IMMP2L: variants seen among roughly 807,000 people sequenced by gnomAD.
The protein encoded by IMMP2L is inner mitochondrial membrane peptidase subunit 2.
In IMMP2L, 18 loss-of-function variants were observed where a neutral mutation model predicts 19.3. The observed-to-expected ratio is 0.93, with a 90% CI of 0.64 to 1.38. The LOEUF is 1.38. IMMP2L is among the 40% of genes most tolerant of loss of function. The pLI is 0.00. For synonymous variants in IMMP2L, 76 were observed against 73.0 expected (o/e 1.04, Z -0.21); for missense variants, 233 against 218.2 (o/e 1.07, Z -0.43).
intron 3 of IMMP2L, among the ~76,000 whole-genome samples, chr7:111,000,456 G>A (rs894059795): frequency 6.6e-6 from 1 of 152,140 alleles, no homozygotes; most frequent in African/African-American, 2.4e-5. Flanking sequence ...ACAATAAGGT[G>A]ATAATATATT....
chr7:111,036,908 A>G (rs1563182039), intron 3 of IMMP2L, among the ~76,000 whole-genome samples: 1 of 152,196 alleles, frequency 6.6e-6, no homozygotes, highest in African/African-American at 2.4e-5. Flanking sequence ...GGGTTTTGCA[A>G]TTAAAAAGAA....
chr7:111,461,156 A>G (rs1840101609), intron 3 of IMMP2L, among the ~76,000 whole-genome samples: 1 of 152,090 alleles, frequency 6.6e-6, no homozygotes, highest in Admixed American at 6.6e-5. Context: ...TTAGGAACTT[A>G]TTAAACATAA....
chr7:111,130,179 A>C (rs567521689), intron 3 of IMMP2L, among the ~76,000 whole-genome samples: 93 of 152,160 alleles, frequency 6.1e-4, no homozygotes, highest in Non-Finnish European at 1.1e-3. Flanking sequence ...AGCATATACC[A>C]ACGAAGGGTG....
At chr7:111,017,182 C>T (rs1156963680) in intron 3 of IMMP2L, among the ~76,000 whole-genome samples, 2 of 150,618 alleles carry the variant, frequency 1.3e-5, no homozygotes, top group Non-Finnish European at 2.9e-5. Flanking sequence ...ATCCTCCTGC[C>T]TCAGCTGCCT....
chr7:111,427,958 T>C (rs1216997355), intron 3 of IMMP2L, among the ~76,000 whole-genome samples: 1 of 151,822 alleles, frequency 6.6e-6, no homozygotes, highest in African/African-American at 2.4e-5. Context: ...ATACTAATGA[T>C]ATTCATTTTA....
At chr7:111,194,439 C>T (rs910366076) in intron 3 of IMMP2L, among the ~76,000 whole-genome samples, 1 of 152,118 alleles carries the variant, frequency 6.6e-6, no homozygotes, top group Non-Finnish European at 1.5e-5. Flanking sequence ...ATCCACCCCT[C>T]CTTTGTACCA....
intron 3 of IMMP2L, chr7:111,124,932 C>CAAAAA: frequency 2.3e-6 from 2 of 888,498 alleles, no homozygotes; most frequent in Non-Finnish European, 3.1e-6. Flanking sequence ...CAAAAATGAA[C>CAAAAA]AAAAAAAAAA....
intron 3 of IMMP2L, among the ~76,000 whole-genome samples, chr7:111,017,597 T>C (rs1055065916): frequency 2.6e-5 from 4 of 152,208 alleles, no homozygotes; most frequent in Admixed American, 2.0e-4. Context: ...CCTTTCTTTT[T>C]ACTCCCCTTC....
intron 5 of IMMP2L, among the ~76,000 whole-genome samples, chr7:110,807,314 A>C (rs949061661): frequency 2.0e-5 from 3 of 152,150 alleles, no homozygotes; most frequent in African/African-American, 7.2e-5. Context: ...TTCTCAACCC[A>C]GGAGGACATT....
chr7:111,524,175 G>A (rs1005421946), intron 1 of IMMP2L, among the ~76,000 whole-genome samples: 2 of 151,912 alleles, frequency 1.3e-5, no homozygotes, highest in Non-Finnish European at 2.9e-5. Context: ...CACAGGTTTA[G>A]CAACACAAAC....
chr7:111,124,403 G>A, intron 3 of IMMP2L: 1 of 1,613,776 alleles, frequency 6.2e-7, no homozygotes, highest in Non-Finnish European at 8.5e-7. Flanking sequence ...TGGAAAGCAA[G>A]TTCTAAAATT....
At chr7:111,491,176 T>A (rs1022350680) in intron 2 of IMMP2L, among the ~76,000 whole-genome samples, 2 of 152,152 alleles carry the variant, frequency 1.3e-5, no homozygotes, top group South Asian at 2.1e-4. Flanking sequence ...CATTTTCTTT[T>A]CCCTATCTTA....
intron 3 of IMMP2L, among the ~76,000 whole-genome samples, chr7:110,990,724 G>A (rs1822366742): frequency 2.0e-5 from 3 of 152,102 alleles, no homozygotes; most frequent in Admixed American, 2.0e-4. Context: ...TCTACTTTAA[G>A]TTAACTTACA....
intron 3 of IMMP2L, among the ~76,000 whole-genome samples, chr7:111,120,488 C>T (rs1800463413): frequency 6.6e-6 from 1 of 152,104 alleles, no homozygotes; most frequent in South Asian, 2.1e-4. Flanking sequence ...AGGTCCCTCC[C>T]ACAACACATG....
chr7:111,065,513 T>C (rs368035368), intron 3 of IMMP2L, among the ~76,000 whole-genome samples: 3 of 152,224 alleles, frequency 2.0e-5, no homozygotes, highest in African/African-American at 4.8e-5. Context: ...TATGAGGGTG[T>C]TGCCAAAGGA....
intron 1 of IMMP2L, among the ~76,000 whole-genome samples, chr7:111,546,334 T>A (rs1020109555): frequency 6.6e-6 from 1 of 152,088 alleles, no homozygotes; most frequent in Non-Finnish European, 1.5e-5. Context: ...CAATGACACA[T>A]TGTGTTTTCA....
In IMMP2L at chr7:110,870,464, C is replaced by A. The variant is rs1808418251; in HGVS notation, c.408+16129G>T. Among the ~76,000 whole-genome samples the A allele has an allele frequency of 6.6e-6, 1 of 152,094 alleles. No homozygotes were observed. Among genetic ancestry groups the A allele is most frequent in the Admixed American group, 6.6e-5 (1 of 15,248 alleles). On this transcript the variant is annotated intron_variant, in intron 5 of 5. Transcript: ENST00000405709. This position sits in a 1 kb window ranked among gnomAD's most constrained non-coding sequence, Gnocchi z 4.2. ...ACAAGGTTCCTGACCTCATGAAGCTCAATTTTCTATTGGAGGAGATAAAAA... is the reference window on the plus strand; with the variant it reads ...ACAAGGTTCCTGACCTCATGAAGCTAAATTTTCTATTGGAGGAGATAAAAA...
intron 3 of IMMP2L, among the ~76,000 whole-genome samples, chr7:111,217,431 T>C (rs960825618): frequency 6.6e-6 from 1 of 152,070 alleles, no homozygotes; most frequent in Admixed American, 6.6e-5. Context: ...GTAAGAAAGA[T>C]GGTGTTCACC....
intron 5 of IMMP2L, among the ~76,000 whole-genome samples, chr7:110,804,243 T>C (rs1433634726): frequency 6.6e-6 from 1 of 152,086 alleles, no homozygotes; most frequent in African/African-American, 2.4e-5. Flanking sequence ...TAGATCCTTC[T>C]TTCATGCCAA....
Sources: gnomAD v4.1 joint callset for allele counts (sites outside exome capture counted in the v4.1 genomes callset) on GRCh38, gnomAD v4.1.1 for gene constraint, Gnocchi (gnomAD v3.1) non-coding constraint, MANE v1.5 for transcripts, NCBI Gene and HGNC (gene_info 2026-07-23, HGNC 2026-07-21) for gene names.